TSPEAR: variants seen among roughly 807,000 people sequenced by gnomAD.
TSPEAR encodes the protein thrombospondin-type laminin G domain and EAR repeat-containing protein.
A neutral mutation model predicts 71.6 loss-of-function variants in TSPEAR; 69 were observed. That is an observed-to-expected ratio of 0.96 (90% confidence interval 0.79 to 1.18). The LOEUF is 1.18. TSPEAR is among the 50% of genes most tolerant of loss of function. TSPEAR has a pLI of 0.00. For missense variants in TSPEAR, 971 were observed against 894.9 expected, an observed-to-expected ratio of 1.09 and a Z score of -1.09; for synonymous variants, 402 against 387.2, an observed-to-expected ratio of 1.04 and a Z score of -0.45.
rs376266818 is a variant in TSPEAR, at chr21:44,522,730, T to C, written c.1337-618A>G. On this transcript the variant is annotated intron_variant, in intron 8 of 11. Transcript: ENST00000323084. ...CCTTCCAGGCCAGTGCTCCTCACTGTCTCTGCTGGCACAAGGCGGGACAGC... is the reference window on the plus strand; with the variant it reads ...CCTTCCAGGCCAGTGCTCCTCACTGCCTCTGCTGGCACAAGGCGGGACAGC... Among the ~76,000 whole-genome samples the C allele has an allele frequency of 2.6e-5, 4 of 152,354 alleles. No homozygotes were observed. The East Asian group carries it at 7.7e-4, about 29-fold the overall frequency.
intron 1 of TSPEAR, among the ~76,000 whole-genome samples, chr21:44,634,447 C>G (rs1160880950): frequency 6.6e-6 from 1 of 152,034 alleles, no homozygotes; most frequent in Non-Finnish European, 1.5e-5. Flanking sequence ...AGATATGACA[C>G]CAGAAGCATA....
chr21:44,552,913 A>C (rs1218143336), intron 2 of TSPEAR, among the ~76,000 whole-genome samples: 1 of 152,208 alleles, frequency 6.6e-6, no homozygotes, highest in Non-Finnish European at 1.5e-5. Flanking sequence ...AGAGCCTCTC[A>C]TCTGAAGACG....
At chr21:44,545,116 G>A (rs1306416669) in intron 2 of TSPEAR, among the ~76,000 whole-genome samples, 2 of 151,704 alleles carry the variant, frequency 1.3e-5, no homozygotes, top group Admixed American at 6.6e-5. Flanking sequence ...TCAGGAGATC[G>A]AGACCATCCT....
At chr21:44,536,762 G>C (rs1231961982) in intron 2 of TSPEAR, among the ~76,000 whole-genome samples, 5 of 152,154 alleles carry the variant, frequency 3.3e-5, no homozygotes, top group Non-Finnish European at 7.3e-5. Context: ...ATTTTCAAAT[G>C]ATGAGCTCAT....
intron 1 of TSPEAR, among the ~76,000 whole-genome samples, chr21:44,680,598 T>C (rs782497323): frequency 6.6e-6 from 1 of 152,346 alleles, no homozygotes; most frequent in South Asian, 2.1e-4. Context: ...CCCATGTTTA[T>C]TGCAGCACTA....
chr21:44,657,327 T>C (rs1460415592), intron 1 of TSPEAR, among the ~76,000 whole-genome samples: 3 of 152,230 alleles, frequency 2.0e-5, no homozygotes, highest in African/African-American at 7.2e-5. Flanking sequence ...ACTTCTTGTA[T>C]AGATTACTCT....
At chr21:44,560,742 T>C (rs2053620401) in intron 2 of TSPEAR, among the ~76,000 whole-genome samples, 1 of 152,144 alleles carries the variant, frequency 6.6e-6, no homozygotes, top group Non-Finnish European at 1.5e-5. Context: ...CCTGGGTAAG[T>C]AACGAAATTA....
chr21:44,642,626 G>A lies in TSPEAR; in HGVS notation c.82+68807C>T, dbSNP rs1354840012. Among the ~76,000 whole-genome samples, 2 of 152,130 alleles carry A rather than the reference G, an allele frequency of 1.3e-5. No homozygotes were observed. The highest frequency in any genetic ancestry group is 4.8e-5 in the African/African-American group (2 of 41,432). ...TGAGAGGCCGAGGCAGGCAGATCAC[G>A]AGGTCAGGAGATCGAGACCATCCTG... On this transcript the variant is annotated intron_variant, in intron 1 of 11. Transcript: ENST00000323084. The surrounding 1 kb of genome is among the most constrained non-coding windows in gnomAD (Gnocchi z 4.1).
chr21:44,561,528 AAAAG>A (rs1193130162), intron 2 of TSPEAR, among the ~76,000 whole-genome samples: 1 of 152,208 alleles, frequency 6.6e-6, no homozygotes, highest in Admixed American at 6.5e-5. Flanking sequence ...ACACAACAAA[AAAAG>A]AAAACTTCAG....
intron 1 of TSPEAR, among the ~76,000 whole-genome samples, chr21:44,689,740 T>TATATA (rs1555949490): frequency 5.6e-5 from 7 of 125,104 alleles, no homozygotes; most frequent in Admixed American, 8.1e-5. Context: ...TATATATATA[T>TATATA]TTTGGGGGGG....
chr21:44,666,778 G>A, intron 1 of TSPEAR: 1 of 1,612,226 alleles, frequency 6.2e-7, no homozygotes, highest in East Asian at 2.2e-5. Flanking sequence ...CAGCCCACAG[G>A]CACACAGCAG....
At position 44,601,967 on chromosome 21, in the gene TSPEAR, C is replaced by T. The variant is rs954901308; in HGVS notation, c.83-33962G>A. On this transcript the variant is annotated intron_variant, in intron 1 of 11. Coordinates refer to ENST00000323084, the MANE Select transcript of TSPEAR (RefSeq NM_144991.3). ...TTCCCCAGCAACAGGTGGGCAGTGA[C>T]CCCAGCAAGGCCAGCGGGTGCTCCC... The T allele has an allele frequency of 4.6e-6, 3 of 657,300 alleles. No individual in the cohort carries two copies. In the African/African-American group the frequency reaches 5.5e-5, roughly 12 times the overall value. The allele number at this position is 657,300 out of a possible 1,614,324, so 40.7% of individuals were successfully genotyped here. A position where few individuals can be genotyped will look rare whatever the true frequency, so the allele number is the denominator to read the frequency against.
chr21:44,515,738 GAAGC>G (rs2052545805), intron 9 of TSPEAR: 1 of 152,230 alleles, frequency 6.6e-6, no homozygotes, highest in Non-Finnish European at 1.5e-5. Flanking sequence ...ACCCGTGACA[GAAGC>G]CCCGTGTTTT....
At chr21:44,528,692 C>T (rs963037935) in intron 5 of TSPEAR, 109 bp from the exon 6 acceptor site, 23 of 1,434,588 alleles carry the variant, frequency 1.6e-5, no homozygotes, top group East Asian at 1.2e-4. Context: ...CCTCTGCATG[C>T]GGGCCTGGAA....
At chr21:44,624,949 C>T (rs1982672953) in intron 1 of TSPEAR, among the ~76,000 whole-genome samples, 1 of 152,140 alleles carries the variant, frequency 6.6e-6, no homozygotes, top group Non-Finnish European at 1.5e-5. Context: ...TTTGTTAAAC[C>T]AGGTTTCCTA....
intron 9 of TSPEAR, chr21:44,518,674 C>T (rs1379838247): frequency 8.5e-6 from 4 of 470,682 alleles, no homozygotes; most frequent in Non-Finnish European, 1.3e-5. Flanking sequence ...CGCCCCCTGC[C>T]CCCCACCAGC....
chr21:44,507,008 T>C (rs587664320), intron 10 of TSPEAR: 1 of 152,310 alleles, frequency 6.6e-6, no homozygotes, highest in Non-Finnish European at 1.5e-5. Flanking sequence ...AATGGACGGA[T>C]GAAGTGTGAC....
chr21:44,527,331 G>C lies in TSPEAR; in HGVS notation c.1110C>G (p.His370Gln), dbSNP rs587746994. The C allele has an allele frequency of 8.1e-6, 13 of 1,614,086 alleles. No individual in the cohort carries two copies. The highest frequency in any genetic ancestry group is 1.1e-5 in the Non-Finnish European group (13 of 1,180,056). ...TGAAATGCCTCCAGGCCTGTGCTTG[G>C]TGCGTGGGGATGTTCTGATATGAGA... The part of the protein sequence containing the change: ...KFVSYQNIPT[H>Q]QAQAWRHFTI... Residue 370 changes from histidine to glutamine, a missense_variant, in exon 7 of 12, where the codon CAC becomes CAG. Physicochemically the swap from His to Gln is conservative, Grantham distance 24 (BLOSUM62 0). Coordinates refer to ENST00000323084, the MANE Select transcript of TSPEAR (RefSeq NM_144991.3).
chr21:44,612,928 A>C lies in TSPEAR; in HGVS notation c.83-44923T>G. The stretch of plus-strand genomic sequence containing the variant: ...CCAGCTGCTGATGGGCACGTCCCCC[A>C]GGGCCAGCCGGCTCCGGTCCTGTCC... On this transcript the variant is annotated intron_variant, in intron 1 of 11. Transcript: ENST00000323084. The surrounding 1 kb of genome is among the most constrained non-coding windows in gnomAD (Gnocchi z 4.1). 6.3e-7 allele frequency: 1 copy of C among 1,597,982 alleles called. No individual in the cohort carries two copies. The highest frequency in any genetic ancestry group is 1.1e-5 in the South Asian group (1 of 90,004).
Sources: allele counts gnomAD v4.1 joint callset (sites outside exome capture counted in the v4.1 genomes callset), GRCh38; gene constraint gnomAD v4.1.1; non-coding constraint Gnocchi (gnomAD v3.1); transcripts MANE v1.5; gene names NCBI Gene and HGNC (gene_info 2026-07-23, HGNC 2026-07-21).